EIF2AK3: variants seen among roughly 807,000 people sequenced by gnomAD.
EIF2AK3 encodes eukaryotic translation initiation factor 2-alpha kinase 3.
EIF2AK3 carries 50 observed loss-of-function variants against 113.5 expected under a neutral mutation model. The ratio of observed to expected loss-of-function variants is 0.44; its 90% CI spans 0.35 to 0.56. The LOEUF is 0.56. EIF2AK3 is among the 20% of genes least tolerant of loss of function. The pLI is 0.00. For synonymous variants in EIF2AK3, 448 were observed against 495.4 expected (o/e 0.90, Z 1.27); for missense variants, 1,185 against 1,378.0 (o/e 0.86, Z 2.22).
intron 15 of EIF2AK3, among the ~76,000 whole-genome samples, chr2:88,561,173 T>C (rs180889029): frequency 6.6e-6 from 1 of 152,044 alleles, no homozygotes; most frequent in Non-Finnish European, 1.5e-5. Context: ...CAGGCTGGTG[T>C]TGAACTCTGG....
At chr2:88,567,777 T>C (rs1320617346) in intron 14 of EIF2AK3, among the ~76,000 whole-genome samples, 2 of 152,186 alleles carry the variant, frequency 1.3e-5, no homozygotes, top group Non-Finnish European at 2.9e-5. Context: ...GCCCCACCAG[T>C]TACTTCCCCT....
chr2:88,579,720 GAC>G, intron 10 of EIF2AK3, 80 bp from the exon 11 acceptor site: 1 of 1,341,596 alleles, frequency 7.5e-7, no homozygotes, highest in Non-Finnish European at 1.0e-6. Context: ...TCAATCTTAT[GAC>G]ACATAAAAAT....
At chr2:88,561,524 C>T (rs889729038) in intron 15 of EIF2AK3, among the ~76,000 whole-genome samples, 2 of 151,888 alleles carry the variant, frequency 1.3e-5, no homozygotes, top group Non-Finnish European at 2.9e-5. Context: ...GCCTCCCAAA[C>T]TGCTGGGATT....
intron 4 of EIF2AK3, among the ~76,000 whole-genome samples, chr2:88,592,631 C>T (rs775653578): frequency 2.6e-5 from 4 of 152,018 alleles, no homozygotes; most frequent in African/African-American, 4.8e-5. Flanking sequence ...GGCATGGTGG[C>T]GCATGCCTGT....
chr2:88,584,987 G>A (rs1272249359), intron 9 of EIF2AK3, among the ~76,000 whole-genome samples: 1 of 152,136 alleles, frequency 6.6e-6, no homozygotes, highest in Non-Finnish European at 1.5e-5. Flanking sequence ...GCCTAACAAT[G>A]GGGAGGAGGG....
chr2:88,619,000 CT>C (rs749982072), intron 1 of EIF2AK3, among the ~76,000 whole-genome samples: 451 of 140,482 alleles, frequency 3.2e-3, no homozygotes, highest in Middle Eastern at 7.4e-3. Flanking sequence ...ATCTATCATT[CT>C]TTTTTTTTTT....
At chr2:88,626,413 T>A (rs1471346227) in intron 1 of EIF2AK3, among the ~76,000 whole-genome samples, 2 of 152,176 alleles carry the variant, frequency 1.3e-5, no homozygotes, top group Non-Finnish European at 2.9e-5. Flanking sequence ...TCAGTAAAAC[T>A]GGGGTAGGGC....
intron 11 of EIF2AK3, among the ~76,000 whole-genome samples, chr2:88,579,281 G>A (rs555974376): frequency 3.9e-5 from 6 of 152,240 alleles, no homozygotes; most frequent in South Asian, 4.2e-4. Context: ...GCCACTAAAC[G>A]AAAGTCCTGA....
chr2:88,627,219 AGC>A lies in EIF2AK3; in HGVS notation c.54_55del (p.Leu19AlafsTer57), dbSNP rs1675891631. 1.4e-5 allele frequency: 20 copies of A among 1,430,100 alleles called. No individual in the cohort carries two copies. In the African/African-American group the frequency reaches 1.9e-4, roughly 14 times the overall value. The allele number at this position is 1,430,100 out of a possible 1,614,324, so 88.6% of individuals were successfully genotyped here. ...CGTCCTTGCCGCGAGCCCCAGCAGC[AGC>A]AGCAGCAGCAGCAGCGCCCGTACCA... On this transcript the variant is annotated frameshift_variant, in exon 1 of 17. Coordinates refer to ENST00000303236, the MANE Select transcript of EIF2AK3 (RefSeq NM_004836.7). LOFTEE classifies it high-confidence loss of function.
intron 15 of EIF2AK3, among the ~76,000 whole-genome samples, chr2:88,561,561 C>T (rs1673960862): frequency 6.6e-6 from 1 of 152,168 alleles, no homozygotes; most frequent in African/African-American, 2.4e-5. Context: ...GCACCCGGCC[C>T]AGAGGGCTAC....
At position 88,627,381 on chromosome 2, in the gene EIF2AK3, C is replaced by T; in HGVS notation, c.-107G>A. 2.3e-6 allele frequency: 3 copies of T among 1,291,572 alleles called. No homozygotes were observed. The highest frequency in any genetic ancestry group is 2.9e-4 in the Middle Eastern group (1 of 3,480). 80.0% of individuals were successfully genotyped at this position (1,291,572 alleles called of 1,614,324 possible). A position where few individuals can be genotyped will look rare whatever the true frequency, so the allele number is the denominator to read the frequency against. On this transcript the variant is annotated 5_prime_UTR_variant, in exon 1 of 17. Transcript: ENST00000303236. The stretch of plus-strand genomic sequence containing the variant: ...AAGGACGTGCTAGGGACCCTACTGC[C>T]GCCCCGACGGCCTGGACAGCCAGCC...
At chr2:88,616,173 T>C (rs1664689784) in intron 1 of EIF2AK3, among the ~76,000 whole-genome samples, 8 of 152,138 alleles carry the variant, frequency 5.3e-5, no homozygotes, top group Admixed American at 5.2e-4. Flanking sequence ...ACCATCTATA[T>C]CCTGGCAACT....
Position 88,588,916 on chromosome 2 carries a change from A to G in EIF2AK3, c.1166-15T>C. 6.2e-7 allele frequency: 1 copy of G among 1,612,794 alleles called. No individual in the cohort carries two copies. Among genetic ancestry groups the G allele is most frequent in the African/African-American group, 1.3e-5 (1 of 75,026 alleles). ...TCTATACATTCCTGAATCAACCAGA[A>G]CATTGTCAATTATGCATTGATTTTT... On this transcript the variant is annotated splice_polypyrimidine_tract_variant and intron_variant, in intron 6 of 16. Transcript: ENST00000303236.
intron 14 of EIF2AK3, among the ~76,000 whole-genome samples, chr2:88,564,727 G>A (rs1441623876): frequency 6.6e-6 from 1 of 152,170 alleles, no homozygotes; most frequent in Non-Finnish European, 1.5e-5. Flanking sequence ...GGTGTTAAGA[G>A]TAGAATGAGA....
intron 3 of EIF2AK3, chr2:88,593,793 T>C (rs753424215): frequency 1.4e-5 from 9 of 652,690 alleles, no homozygotes; most frequent in Non-Finnish European, 1.5e-5. Flanking sequence ...TGTTTGGTTT[T>C]TAAAAATTTG....
At position 88,627,284 on chromosome 2, in the gene EIF2AK3, G is replaced by A. The variant is rs1291618208; in HGVS notation, c.-10C>T. ...TGATGGCGCGCTCCATCAGCGTCCC[G>A]CCCCGCGCGCAGGCATGGAGGCGCA... On this transcript the variant is annotated 5_prime_UTR_variant, in exon 1 of 17. Transcript: ENST00000303236. 37 of 1,482,952 alleles carry A rather than the reference G, an allele frequency of 2.5e-5. No homozygotes were observed. Among genetic ancestry groups the A allele is most frequent in the Non-Finnish European group, 3.1e-5 (35 of 1,121,984 alleles). The allele number at this position is 1,482,952 out of a possible 1,614,324, so 91.9% of individuals were successfully genotyped here.
chr2:88,568,995 A>G (rs1343734832), intron 14 of EIF2AK3, among the ~76,000 whole-genome samples: 3 of 152,116 alleles, frequency 2.0e-5, no homozygotes, highest in Admixed American at 1.3e-4. Flanking sequence ...AGTTCAAGCA[A>G]TTCTTGTGCC....
intron 2 of EIF2AK3, among the ~76,000 whole-genome samples, chr2:88,604,043 A>G (rs1427196200): frequency 6.6e-6 from 1 of 152,126 alleles, no homozygotes; most frequent in Non-Finnish European, 1.5e-5. Flanking sequence ...CATCCAGTCT[A>G]TCATCCCCAT....
chr2:88,601,838 T>TTC (rs1675157835), intron 2 of EIF2AK3, among the ~76,000 whole-genome samples: 2 of 146,838 alleles, frequency 1.4e-5, no homozygotes, highest in African/African-American at 5.0e-5. Flanking sequence ...ATTTTTCTTT[T>TTC]TTTTTTTTTT....
Sources: allele counts gnomAD v4.1 joint callset (sites outside exome capture counted in the v4.1 genomes callset), GRCh38; gene constraint gnomAD v4.1.1; transcripts MANE v1.5; gene names NCBI Gene and HGNC (gene_info 2026-07-23, HGNC 2026-07-21).